Variants in MYOM1 observed in about 807,000 individuals in gnomAD.
MYOM1 encodes the protein myomesin 1.
In MYOM1, 164 loss-of-function variants were observed where a neutral mutation model predicts 205.3. That is an observed-to-expected ratio of 0.80 (90% CI 0.70 to 0.91). The LOEUF (loss-of-function observed/expected upper bound fraction) is 0.91. Among genes scored for constraint, MYOM1 ranks in the 40% least tolerant of loss-of-function variants. MYOM1 has a pLI of 0.00. For synonymous variants in MYOM1, 772 were observed against 789.4 expected, an observed-to-expected ratio of 0.98 and a Z score of 0.37; for missense variants, 2,011 against 2,127.3, an observed-to-expected ratio of 0.95 and a Z score of 1.08.
intron 19 of MYOM1, 44 bp from the exon 20 acceptor site, chr18:3,120,039 G>GC: frequency 8.7e-7 from 1 of 1,153,814 alleles, no homozygotes; most frequent in Non-Finnish European, 1.2e-6. Context: ...TTCCAGGTTT[G>GC]TTTTTTTTTT....
rs141668474 is a variant in MYOM1 at position 3,114,409 on chromosome 18, G to A, written c.3303+1922C>T. Among the ~76,000 whole-genome samples the A allele has an allele frequency of 8.5e-3, 1,255 of 147,200 alleles. 16 individuals carry two copies. Among genetic ancestry groups the A allele is most frequent in the African/African-American group, 0.03 (1,211 of 39,740 alleles). On this transcript the variant is annotated intron_variant, in intron 21 of 37. Transcript: ENST00000356443. ...TTTTTTTTTTTCGAGACAGAGTCTC[G>A]TTCTGTTGCCCGGGCTGGAGTGCAG...
chr18:3,078,574 C>CA (rs1461284478), intron 34 of MYOM1, among the ~76,000 whole-genome samples: 3 of 152,068 alleles, frequency 2.0e-5, no homozygotes, highest in Non-Finnish European at 4.4e-5. Flanking sequence ...GGATTATAGG[C>CA]ATATGCTACC....
chr18:3,089,149 T>C, intron 29 of MYOM1, 25 bp downstream of exon 29: 1 of 1,539,066 alleles, frequency 6.5e-7, no homozygotes, highest in Non-Finnish European at 8.9e-7. Flanking sequence ...TTGAATCAAA[T>C]ATTAAAAATT....
Position 3,129,505 on chromosome 18 carries a change from G to T in MYOM1, c.2521C>A (p.Pro841Thr). The T allele has an allele frequency of 6.2e-7, 1 of 1,611,352 alleles. No individual in the cohort carries two copies. The stretch of plus-strand genomic sequence containing the variant: ...TCGCTCAGTGCGGGACACACATCTG[G>T]AGACACTCCTCCCCCTACAGTTGCC... ...VKAAIGGGVS[P>T]DVCPALSDEP... is the part of the protein sequence containing the mutation. Residue 841 changes from proline (P) to threonine (T), a missense_variant, in exon 18 of 38, where the codon CCA (proline) becomes ACA (threonine). Physicochemically the swap from Pro to Thr is conservative, Grantham distance 38. Transcript: ENST00000356443.
At chr18:3,165,013 TA>T (rs1167982374) in intron 9 of MYOM1, among the ~76,000 whole-genome samples, 1 of 152,202 alleles carries the variant, frequency 6.6e-6, no homozygotes, top group African/African-American at 2.4e-5. Context: ...TTAATTCCCA[TA>T]ATTTTTTTAG....
intron 13 of MYOM1, among the ~76,000 whole-genome samples, chr18:3,148,881 T>C (rs1425250482): frequency 2.9e-5 from 4 of 136,682 alleles, no homozygotes; most frequent in African/African-American, 1.1e-4. Flanking sequence ...AAGAAAATGG[T>C]GATGGTTTCA....
intron 3 of MYOM1, among the ~76,000 whole-genome samples, chr18:3,193,316 A>G (rs1567961310): frequency 6.8e-6 from 1 of 146,434 alleles, no homozygotes; most frequent in Non-Finnish European, 1.5e-5. Context: ...ATATATATGT[A>G]TATGTACATA....
chr18:3,070,592 A>G (rs549526388), intron 37 of MYOM1, among the ~76,000 whole-genome samples: 1 of 152,340 alleles, frequency 6.6e-6, no homozygotes, highest in African/African-American at 2.4e-5. Flanking sequence ...GCTCTTCGGA[A>G]AATGCACAGT....
intron 11 of MYOM1, 146 bp downstream of exon 11, chr18:3,154,801 A>G: frequency 1.1e-6 from 1 of 891,860 alleles, no homozygotes; most frequent in South Asian, 1.8e-5. Flanking sequence ...AAATAGAGAA[A>G]AAGAAAGATG....
In MYOM1 at chr18:3,075,722, T is replaced by TA; in HGVS notation, c.4685+2dup. ...GTGGCATTTGCTAGGACCAGGGACT[T>TA]ACTTCAACCTCTGGAATTCAGCATA... is the stretch of plus-strand genomic sequence containing the variant. On this transcript the variant is annotated splice_region_variant and intron_variant, in intron 35 of 37. Transcript: ENST00000356443. 1 of 1,601,200 alleles carries TA rather than the reference T, an allele frequency of 6.2e-7. No individual in the cohort carries two copies. The highest frequency in any genetic ancestry group is 8.5e-7 in the Non-Finnish European group (1 of 1,172,744).
At chr18:3,213,784 C>G (rs1231627118) in intron 2 of MYOM1, among the ~76,000 whole-genome samples, 1 of 152,208 alleles carries the variant, frequency 6.6e-6, no homozygotes, top group African/African-American at 2.4e-5. Flanking sequence ...CCTGCAGGAT[C>G]TTAGTTGCTT....
chr18:3,230,323 A>G, the MYOM1 span, among the ~76,000 whole-genome samples: 1 of 152,214 alleles, frequency 6.6e-6, no homozygotes, highest in African/African-American at 2.4e-5. Context: ...CCTAAGGCCG[A>G]ATTCATGCTG....
At chr18:3,134,975 G>C (rs2079934844) in intron 15 of MYOM1, 151 bp from the exon 16 acceptor site, 1 of 680,934 alleles carries the variant, frequency 1.5e-6, no homozygotes. Context: ...TTGAGACTGA[G>C]TCTCGCTCTG....
chr18:3,134,931 A>G, intron 15 of MYOM1, 107 bp from the exon 16 acceptor site: 5 of 1,119,766 alleles, frequency 4.5e-6, no homozygotes, highest in Non-Finnish European at 6.5e-6. Context: ...CGTCATGTCA[A>G]AAGAACAGCT....
At chr18:3,124,303 CTTTTTTT>C (rs34118507) in intron 19 of MYOM1, among the ~76,000 whole-genome samples, 12 of 130,890 alleles carry the variant, frequency 9.2e-5, no homozygotes, top group South Asian at 4.7e-4. Flanking sequence ...TTTCTTTTTT[CTTTTTTT>C]TTTTTTTTGA....
Position 3,189,231 on chromosome 18 carries a change from A to G in MYOM1, c.432-144T>C. On this transcript the variant is annotated intron_variant, in intron 3 of 37. Coordinates refer to ENST00000356443, the MANE Select transcript of MYOM1 (RefSeq NM_003803.4). This position sits in a 1 kb window ranked among gnomAD's most constrained non-coding sequence, Gnocchi z 4.8. Reference sequence around the variant, plus strand: ...GACATAGAAAAAGCAGGTGAATCAGAAGCTGACACTTCATGTACAGAAGTA... The same window carrying G: ...GACATAGAAAAAGCAGGTGAATCAGGAGCTGACACTTCATGTACAGAAGTA... The G allele has an allele frequency of 1.4e-6, 1 of 718,404 alleles. No individual in the cohort carries two copies. Among genetic ancestry groups the G allele is most frequent in the East Asian group, 2.7e-5 (1 of 37,086 alleles). The allele number at this position is 718,404 out of a possible 1,614,324, so 44.5% of individuals were successfully genotyped here. A position where few individuals can be genotyped will look rare whatever the true frequency, so the allele number is the denominator to read the frequency against.
intron 26 of MYOM1, among the ~76,000 whole-genome samples, chr18:3,091,507 G>A (rs1302489078): frequency 6.6e-6 from 1 of 151,702 alleles, no homozygotes; most frequent in Non-Finnish European, 1.5e-5. Flanking sequence ...TTAAAAATTA[G>A]AATAATAATT....
chr18:3,230,038 T>TA, the MYOM1 span, among the ~76,000 whole-genome samples: 2 of 151,440 alleles, frequency 1.3e-5, no homozygotes, highest in Admixed American at 1.3e-4. Flanking sequence ...CAAATGCGTT[T>TA]AAAAAATTAT....
intron 31 of MYOM1, among the ~76,000 whole-genome samples, 184 bp downstream of exon 31, chr18:3,084,861 G>A (rs2079131113): frequency 6.6e-6 from 1 of 152,152 alleles, no homozygotes; most frequent in Non-Finnish European, 1.5e-5. Context: ...TTCTGATTTC[G>A]AAGATGACTA....
Sources: allele counts gnomAD v4.1 joint callset (sites outside exome capture counted in the v4.1 genomes callset), GRCh38; gene constraint gnomAD v4.1.1; non-coding constraint Gnocchi (gnomAD v3.1); transcripts MANE v1.5; gene names NCBI Gene and HGNC (gene_info 2026-07-23, HGNC 2026-07-21).